Variants in LYG2 observed in about 807,000 individuals in gnomAD.
LYG2 encodes the protein lysozyme g-like protein 2.
LYG2 carries 25 observed loss-of-function variants against 22.4 expected under a neutral mutation model. That is an observed-to-expected ratio of 1.12 (90% CI 0.81 to 1.56). The LOEUF (loss-of-function observed/expected upper bound fraction) is 1.56, where lower values mean the gene tolerates loss of function less well. Ranked by LOEUF, LYG2 falls within the 40% of genes most tolerant of loss-of-function variation. The pLI is 0.00. For synonymous variants in LYG2, 88 were observed against 97.0 expected (o/e 0.91, Z 0.55); for missense variants, 266 against 269.5 (o/e 0.99, Z 0.09).
Position 99,245,612 on chromosome 2 carries a change from TA to T in LYG2, c.185-155del, listed in dbSNP as rs34440649. Among the ~76,000 whole-genome samples, 890 of 125,490 alleles carry T rather than the reference TA, an allele frequency of 7.1e-3. 2 individuals are homozygous for T. Among genetic ancestry groups the T allele is most frequent in the Non-Finnish European group, 8.3e-3 (495 of 59,650 alleles). 82.3% of individuals were successfully genotyped at this position (125,490 alleles called of 152,430 possible). On this transcript the variant is annotated intron_variant, in intron 4 of 6. Transcript: ENST00000333017. ...ATCATAGTGAGAGCCCATCTCTAATTAAAAAAAAAAAAAAAAAGAATTTAAA... is the reference window on the plus strand; with the variant it reads ...ATCATAGTGAGAGCCCATCTCTAATTAAAAAAAAAAAAAAAAGAATTTAAA...
Position 99,254,229 on chromosome 2 carries a change from A to C in LYG2, c.32T>G (p.Ile11Ser), listed in dbSNP as rs1300474109. 6.2e-7 allele frequency: 1 copy of C among 1,614,084 alleles called. No homozygotes were observed. The highest frequency in any genetic ancestry group is 1.7e-5 in the Admixed American group (1 of 60,014). Reference protein sequence around the residue: MLSSVVFWGLIALIGTSRGSY... With the variant: MLSSVVFWGLSALIGTSRGSY... ...AGCCAGTGACTTACCAATGAGGGCAATTAGTCCCCAAAACACCACGGAGGA... is the reference window on the plus strand; with the variant it reads ...AGCCAGTGACTTACCAATGAGGGCACTTAGTCCCCAAAACACCACGGAGGA... The change falls in exon 3 of 7, where the codon ATT (isoleucine) becomes AGT (serine). Residue 11 changes from isoleucine to serine, a missense_variant. Ile to Ser is a moderately radical substitution (Grantham distance 142, BLOSUM62 -2). Transcript: ENST00000333017.
chr2:99,254,167 G>T (rs762225670), intron 3 of LYG2, 51 bp downstream of exon 3: 13 of 1,509,242 alleles, frequency 8.6e-6, no homozygotes, highest in Non-Finnish European at 1.2e-5. Context: ...TTGTGCTGGA[G>T]GTTTTTGTGG....
chr2:99,253,229 G>A (rs2094030462), intron 3 of LYG2, among the ~76,000 whole-genome samples: 1 of 152,028 alleles, frequency 6.6e-6, no homozygotes. Context: ...ACCCTACGCT[G>A]CCTGTGTAGG....
chr2:99,257,986 C>T (rs1022380770), upstream of LYG2, among the ~76,000 whole-genome samples: 5 of 152,158 alleles, frequency 3.3e-5, no homozygotes, highest in Admixed American at 2.6e-4. Context: ...TGCCCTTGTG[C>T]CCTGAGCTAC....
At chr2:99,260,731 G>A in the LYG2 span, among the ~76,000 whole-genome samples, 1 of 152,180 alleles carries the variant, frequency 6.6e-6, no homozygotes, top group Admixed American at 6.5e-5. Context: ...TGTTGAAGAC[G>A]CTAGTTCAAA....
rs978405832 is a variant in LYG2, at chr2:99,255,593, G to A, written c.-144+10C>T. Among the ~76,000 whole-genome samples the A allele has an allele frequency of 2.0e-5, 3 of 152,156 alleles. No individual in the cohort carries two copies. Among genetic ancestry groups the A allele is most frequent in the African/African-American group, 7.2e-5 (3 of 41,442 alleles). Reference sequence around the variant, plus strand: ...TACTAGCAATTTTTATTCTTGGATTGGTTATTTACCTGAAATATTGGGTCT... The same window carrying A: ...TACTAGCAATTTTTATTCTTGGATTAGTTATTTACCTGAAATATTGGGTCT... On this transcript the variant is annotated intron_variant, in intron 1 of 6. Transcript: ENST00000333017.
chr2:99,255,922 G>A (rs1169659451), upstream of LYG2, among the ~76,000 whole-genome samples: 1 of 152,206 alleles, frequency 6.6e-6, no homozygotes, highest in Admixed American at 6.5e-5. Flanking sequence ...AGGAAGAGAG[G>A]AAGCATATTG....
intron 6 of LYG2, chr2:99,243,374 C>G (rs1437587494): frequency 6.6e-7 from 1 of 1,516,972 alleles, no homozygotes; most frequent in Non-Finnish European, 8.9e-7. Context: ...GAGATTTCCA[C>G]TTGGATATAT....
At chr2:99,260,197 A>G (rs2094044774), upstream of LYG2, among the ~76,000 whole-genome samples, 1 of 152,160 alleles carries the variant, frequency 6.6e-6, no homozygotes, top group African/African-American at 2.4e-5. Flanking sequence ...TCCTGGCCTC[A>G]GGTGATCCAT....
At chr2:99,260,310 TATC>T (rs1436421157), upstream of LYG2, among the ~76,000 whole-genome samples, 2 of 152,206 alleles carry the variant, frequency 1.3e-5, no homozygotes, top group African/African-American at 2.4e-5. Context: ...ATAATTCACA[TATC>T]ATAGCCTTCA....
intron 3 of LYG2, among the ~76,000 whole-genome samples, chr2:99,248,846 A>G (rs1354312331): frequency 6.6e-6 from 1 of 152,000 alleles, no homozygotes; most frequent in Non-Finnish European, 1.5e-5. Context: ...ATTTAAATAT[A>G]TTCTTATTAT....
chr2:99,256,886 A>G (rs998461388), upstream of LYG2, among the ~76,000 whole-genome samples: 3 of 152,214 alleles, frequency 2.0e-5, no homozygotes, highest in East Asian at 1.9e-4. Flanking sequence ...TATGGATATT[A>G]TATGACTCAA....
At chr2:99,243,118 T>C (rs533949519) in intron 6 of LYG2, among the ~76,000 whole-genome samples, 25 of 152,300 alleles carry the variant, frequency 1.6e-4, no homozygotes, top group African/African-American at 5.8e-4. Context: ...CGTTAGAGTG[T>C]GGAGGACATA....
chr2:99,259,819 C>T (rs969345289), upstream of LYG2, among the ~76,000 whole-genome samples: 5 of 152,086 alleles, frequency 3.3e-5, no homozygotes, highest in East Asian at 5.8e-4. Context: ...ATTTCAGAAG[C>T]GTATAGTACT....
chr2:99,254,383 C>A, intron 2 of LYG2, 98 bp from the exon 3 acceptor site: 1 of 831,290 alleles, frequency 1.2e-6, no homozygotes, highest in South Asian at 1.6e-5. Context: ...GAGTTATTTC[C>A]AATTCACTAC....
Position 99,246,689 on chromosome 2 carries a change from T to C in LYG2, c.175A>G (p.Met59Val), listed in dbSNP as rs2094016564. Residue 59 changes from methionine (M) to valine (V), a missense_variant, in exon 4 of 7, where the codon ATG becomes GTG. By Grantham distance (21) the Met-to-Val change is conservative (BLOSUM62 1). Transcript: ENST00000333017. ...TCTGCTTTTCACTTACCGCAGTTCA[T>C]CACACTGTTTGCATCACAAGTGGCC... ...SGATCDANSV[M>V]NCGIRGSEMF... 1 of 1,613,468 alleles carries C rather than the reference T, an allele frequency of 6.2e-7. No homozygotes were observed. The highest frequency in any genetic ancestry group is 8.5e-7 in the Non-Finnish European group (1 of 1,179,904).
chr2:99,244,046 G>T lies in LYG2; in HGVS notation c.473C>A (p.Ala158Glu). 6.2e-7 allele frequency: 1 copy of T among 1,613,954 alleles called. No individual in the cohort carries two copies. Among genetic ancestry groups the T allele is most frequent in the Non-Finnish European group, 8.5e-7 (1 of 1,179,950 alleles). Residue 158 changes from alanine (A) to glutamate (E), a missense_variant, in exon 6 of 7, where the codon GCA (alanine) becomes GAA (glutamate). Coordinates refer to ENST00000333017, the MANE Select transcript of LYG2 (RefSeq NM_175735.4). ...ATGILTERIK[A>E]IQKKFPTWSV... ...CCACGTGGGGAATTTTTTCTGGATT[G>T]CCTTAATTCTCTCTGTTAGAATCCC...
intron 1 of LYG2, among the ~76,000 whole-genome samples, 94 bp downstream of exon 1, chr2:99,255,505 CCAAA>C (rs1397789476): frequency 1.3e-5 from 2 of 152,102 alleles, no homozygotes; most frequent in Non-Finnish European, 2.9e-5. Flanking sequence ...TAAAATTGTG[CCAAA>C]CAGCTTCTAA....
At chr2:99,257,773 G>C (rs2094038983), upstream of LYG2, among the ~76,000 whole-genome samples, 2 of 152,150 alleles carry the variant, frequency 1.3e-5, no homozygotes, top group Admixed American at 1.3e-4. Context: ...GGGGTTCCTG[G>C]CTTCAGTGGT....
Sources: gnomAD v4.1 joint callset for allele counts (sites outside exome capture counted in the v4.1 genomes callset) on GRCh38, gnomAD v4.1.1 for gene constraint, MANE v1.5 for transcripts, NCBI Gene and HGNC (gene_info 2026-07-23, HGNC 2026-07-21) for gene names.